Variants in AZI2 observed in about 807,000 individuals in gnomAD.
The protein encoded by AZI2 is 5-azacytidine-induced protein 2.
In AZI2, 22 loss-of-function variants were observed where a neutral mutation model predicts 45.8. That is an observed-to-expected ratio of 0.48 (90% CI 0.34 to 0.69). AZI2 has a LOEUF of 0.69. Among genes scored for constraint, AZI2 ranks in the 30% least tolerant of loss-of-function variants. AZI2 has a pLI of 0.01. For synonymous variants in AZI2, 137 were observed against 156.7 expected (o/e 0.87, Z 0.94); for missense variants, 417 against 441.5 (o/e 0.94, Z 0.50).
At position 28,340,608 on chromosome 3, in the gene AZI2, G is replaced by C. The variant is rs901456419; in HGVS notation, c.10C>G (p.Leu4Val). Reference sequence around the variant, plus strand: ...AGAATACAGATATCATCTTCTACCAGTGCATCCATGACAACTGTTTAAAAG... The same window carrying C: ...AGAATACAGATATCATCTTCTACCACTGCATCCATGACAACTGTTTAAAAG... MDA[L>V]VEDDICILNH... Residue 4 changes from leucine (L) to valine (V), a missense_variant, in exon 2 of 8, where the codon CTG (leucine) becomes GTG (valine). Coordinates refer to ENST00000479665, the MANE Select transcript of AZI2 (RefSeq NM_022461.5). 4.4e-6 allele frequency: 7 copies of C among 1,607,012 alleles called. No homozygotes were observed. The highest frequency in any genetic ancestry group is 2.7e-5 in the African/African-American group (2 of 74,580).
chr3:28,326,715 T>C (rs1703404672), intron 7 of AZI2, 117 bp downstream of exon 7: 2 of 821,790 alleles, frequency 2.4e-6, no homozygotes, highest in Non-Finnish European at 4.3e-6. Context: ...GCGAATGTAC[T>C]ATATATACTT....
chr3:28,336,773 G>T lies in AZI2; in HGVS notation c.552C>A (p.Ser184Arg), dbSNP rs372843871. The T allele has an allele frequency of 1.9e-6, 3 of 1,612,802 alleles. No individual in the cohort carries two copies. The highest frequency in any genetic ancestry group is 3.3e-5 in the Admixed American group (2 of 59,896). The part of the protein sequence containing the change: ...QELELMRKEC[S>R]DLKIELQKAK... Reference sequence around the variant, plus strand: ...CTTTCTGTAGTTCTATTTTGAGATCGCTACATTCTTTCCTCATCAGTTCCA... The same window carrying T: ...CTTTCTGTAGTTCTATTTTGAGATCTCTACATTCTTTCCTCATCAGTTCCA... The change falls in exon 5 of 8, where the codon AGC becomes AGA. Residue 184 changes from serine (S) to arginine (R), a missense_variant. Ser to Arg is a moderately radical substitution (Grantham distance 110, BLOSUM62 -1). Coordinates refer to ENST00000479665, the MANE Select transcript of AZI2 (RefSeq NM_022461.5).
chr3:28,346,678 A>C (rs533534271), intron 1 of AZI2, among the ~76,000 whole-genome samples: 3 of 152,262 alleles, frequency 2.0e-5, no homozygotes, highest in African/African-American at 7.2e-5. Flanking sequence ...ATATTCCCGA[A>C]CCTATTTCGT....
intron 2 of AZI2, among the ~76,000 whole-genome samples, chr3:28,339,700 G>A (rs1231906845): frequency 6.6e-6 from 1 of 151,922 alleles, no homozygotes; most frequent in African/African-American, 2.4e-5. Context: ...TTTACCCTTT[G>A]TGGTAGCTGC....
intron 1 of AZI2, among the ~76,000 whole-genome samples, chr3:28,346,685 T>C (rs546988247): frequency 6.6e-6 from 1 of 152,280 alleles, no homozygotes; most frequent in South Asian, 2.1e-4. Context: ...CGAACCTATT[T>C]CGTACAATCA....
rs1703283694 is a variant in AZI2 at position 28,324,036 on chromosome 3, T to A, written c.*6A>T. 1.9e-6 allele frequency: 3 copies of A among 1,596,982 alleles called. No individual in the cohort carries two copies. The African/African-American group carries it at 4.0e-5, about 22-fold the overall frequency. On this transcript the variant is annotated 3_prime_UTR_variant, in exon 8 of 8. Transcript: ENST00000479665. ...CCTCATGGTGAAATCGTGAATCTCTTCCAAATTAATTCTTATAAAGGCAGT... is the reference window on the plus strand; with the variant it reads ...CCTCATGGTGAAATCGTGAATCTCTACCAAATTAATTCTTATAAAGGCAGT...
At chr3:28,343,236 A>T (rs1704094114) in intron 1 of AZI2, among the ~76,000 whole-genome samples, 1 of 152,036 alleles carries the variant, frequency 6.6e-6, no homozygotes, top group Non-Finnish European at 1.5e-5. Context: ...CAAAAGAGCA[A>T]ATGTCTCTTA....
At chr3:28,341,779 T>C (rs1386531931) in intron 1 of AZI2, 1 of 152,164 alleles carries the variant, frequency 6.6e-6, no homozygotes, top group Non-Finnish European at 1.5e-5. Flanking sequence ...GAATTTCATG[T>C]ATCTTAGATC....
rs143754764 is a variant in AZI2 at position 28,346,794 on chromosome 3, A to C, written c.-6+1807T>G. Among the ~76,000 whole-genome samples, 7 of 152,332 alleles carry C rather than the reference A, an allele frequency of 4.6e-5. No individual in the cohort carries two copies. The East Asian group carries it at 1.4e-3, about 29-fold the overall frequency. On this transcript the variant is annotated intron_variant, in intron 1 of 7. Transcript: ENST00000479665. ...TGTAAAATAGCCTAACTAGTTTATA[A>C]AGAAGGGTCATCAAGTACCTCTTTT...
At position 28,321,105 on chromosome 3, in the gene AZI2, A is replaced by G. The variant is rs1703173712; in HGVS notation, c.*2937T>C. On this transcript the variant is annotated 3_prime_UTR_variant, in exon 8 of 8. Transcript: ENST00000479665. ...TTACTTTTATTTGAAATACAAAGAA[A>G]CCACATTTTCCCAGGCCACAGATCA... 6.6e-6 allele frequency: 1 copy of G among 151,356 alleles called. No individual in the cohort carries two copies. The highest frequency in any genetic ancestry group is 1.5e-5 in the Non-Finnish European group (1 of 67,548). 9.4% of individuals were successfully genotyped at this position (151,356 alleles called of 1,614,324 possible).
At chr3:28,327,706 C>T (rs1462466500) in intron 6 of AZI2, among the ~76,000 whole-genome samples, 1 of 150,696 alleles carries the variant, frequency 6.6e-6, no homozygotes, top group African/African-American at 2.4e-5. Context: ...TTTTGTTTTC[C>T]ATTAAACATT....
chr3:28,338,046 T>C lies in AZI2; in HGVS notation c.340-10A>G, dbSNP rs200866292. ...CAGAGTTGTCTTTATTCTAGTTAAG[T>C]AGGGAAAATGCCAAATTACATTCAA... On this transcript the variant is annotated splice_polypyrimidine_tract_variant and intron_variant, in intron 3 of 7. Transcript: ENST00000479665. 7.4e-6 allele frequency: 11 copies of C among 1,493,016 alleles called. No individual in the cohort carries two copies. Among genetic ancestry groups the C allele is most frequent in the Middle Eastern group, 1.7e-4 (1 of 5,742 alleles). 92.5% of individuals were successfully genotyped at this position (1,493,016 alleles called of 1,614,324 possible).
intron 2 of AZI2, among the ~76,000 whole-genome samples, chr3:28,340,123 A>C (rs185533243): frequency 2.6e-5 from 4 of 152,002 alleles, no homozygotes; most frequent in African/African-American, 9.6e-5. Flanking sequence ...ATTCTGAATA[A>C]AATACATACA....
chr3:28,332,989 G>A (rs1208726805), intron 5 of AZI2, among the ~76,000 whole-genome samples: 1 of 151,676 alleles, frequency 6.6e-6, no homozygotes, highest in Non-Finnish European at 1.5e-5. Flanking sequence ...TTAGGTTGCA[G>A]ATATGACAGA....
At chr3:28,337,045 A>G (rs1205244068) in intron 4 of AZI2, 160 bp from the exon 5 acceptor site, 1 of 688,164 alleles carries the variant, frequency 1.5e-6, no homozygotes, top group Non-Finnish European at 2.3e-6. Flanking sequence ...AATACTTTCA[A>G]ATATCTATGC....
At chr3:28,341,166 TTAGAA>T (rs1378237056) in intron 1 of AZI2, among the ~76,000 whole-genome samples, 1 of 152,102 alleles carries the variant, frequency 6.6e-6, no homozygotes, top group East Asian at 1.9e-4. Flanking sequence ...TGTTGTATAT[TTAGAA>T]TAGAAGACAA....
In AZI2 at chr3:28,322,073, AGT is replaced by A. The variant is rs1288035746; in HGVS notation, c.*1967_*1968del. 1 of 151,316 alleles carries A rather than the reference AGT, an allele frequency of 6.6e-6. No individual in the cohort carries two copies. The highest frequency in any genetic ancestry group is 2.4e-5 in the African/African-American group (1 of 41,342). 9.4% of individuals were successfully genotyped at this position (151,316 alleles called of 1,614,324 possible). ...AATTTTACCTAGAACAGAGATATCA[AGT>A]GTAGATTTAAAAGCTTCTAGCTGGG... On this transcript the variant is annotated 3_prime_UTR_variant, in exon 8 of 8. Transcript: ENST00000479665.
rs1254612548 is a variant in AZI2 at position 28,321,301 on chromosome 3, T to C, written c.*2741A>G. Reference sequence around the variant, plus strand: ...TAGAGATAAATGAAAATGGAAGAGTTACTTTAAGAAGCTAGTGAAATATAC... The same window carrying C: ...TAGAGATAAATGAAAATGGAAGAGTCACTTTAAGAAGCTAGTGAAATATAC... On this transcript the variant is annotated 3_prime_UTR_variant, in exon 8 of 8. Coordinates refer to ENST00000479665, the MANE Select transcript of AZI2 (RefSeq NM_022461.5). 5 of 151,390 alleles carry C rather than the reference T, an allele frequency of 3.3e-5. No individual in the cohort carries two copies. In the Admixed American group the frequency reaches 3.3e-4, roughly 10 times the overall value. The allele number at this position is 151,390 out of a possible 1,614,324, so 9.4% of individuals were successfully genotyped here. A position where few individuals can be genotyped will look rare whatever the true frequency, so the allele number is the denominator to read the frequency against.
chr3:28,327,947 G>A (rs1041617466), intron 6 of AZI2, among the ~76,000 whole-genome samples: 8 of 150,270 alleles, frequency 5.3e-5, no homozygotes, highest in African/African-American at 1.5e-4. Flanking sequence ...TTCAATTTTT[G>A]TGTTGCCATA....
Sources: allele counts gnomAD v4.1 joint callset (sites outside exome capture counted in the v4.1 genomes callset), GRCh38; gene constraint gnomAD v4.1.1; transcripts MANE v1.5; gene names NCBI Gene and HGNC (gene_info 2026-07-23, HGNC 2026-07-21).